The following TFG variants were observed in gnomAD, a reference collection of about 807,000 sequenced individuals.
TFG encodes the protein trafficking from ER to golgi regulator, also known as protein TFG.
Under a neutral mutation model 51.4 loss-of-function variants are expected in TFG, and 22 were observed. The observed-to-expected ratio is 0.43, with a 90% CI of 0.31 to 0.61. The LOEUF is 0.61. TFG is among the 20% of genes least tolerant of loss of function. TFG has a pLI of 0.12. For missense variants in TFG, 419 were observed against 487.7 expected (o/e 0.86, Z 1.33); for synonymous variants, 187 against 165.6 (o/e 1.13, Z -0.99).
intron 5 of TFG, 109 bp from the exon 6 acceptor site, chr3:100,736,467 A>G: frequency 8.2e-7 from 1 of 1,219,556 alleles, no homozygotes; most frequent in South Asian, 1.5e-5. Flanking sequence ...TTGTGGTTAT[A>G]TACTTATTCT....
intron 3 of TFG, among the ~76,000 whole-genome samples, chr3:100,728,281 T>C (rs2095081381): frequency 1.3e-5 from 2 of 152,012 alleles, no homozygotes. Flanking sequence ...TTTTGTATTA[T>C]TTTAAGAATA....
chr3:100,732,705 G>T (rs372931217), intron 5 of TFG, 33 bp downstream of exon 5: 2 of 1,531,792 alleles, frequency 1.3e-6, no homozygotes, highest in East Asian at 2.3e-5. Context: ...TACACCCTTC[G>T]TTTCCTTCAT....
intron 6 of TFG, among the ~76,000 whole-genome samples, chr3:100,739,171 G>A (rs1336435714): frequency 6.6e-6 from 1 of 151,990 alleles, no homozygotes; most frequent in Non-Finnish European, 1.5e-5. Flanking sequence ...ATCAACTACT[G>A]GTTATAATTT....
intron 6 of TFG, among the ~76,000 whole-genome samples, chr3:100,737,923 A>G (rs2095111022): frequency 6.6e-6 from 1 of 152,110 alleles, no homozygotes; most frequent in Non-Finnish European, 1.5e-5. Flanking sequence ...GCCAGGTGCT[A>G]TGGCATGTGC....
At chr3:100,739,974 A>C (rs2095116858) in intron 6 of TFG, among the ~76,000 whole-genome samples, 1 of 152,078 alleles carries the variant, frequency 6.6e-6, no homozygotes, top group African/African-American at 2.4e-5. Flanking sequence ...AACGTGTGCT[A>C]GTCTGTGTTT....
chr3:100,710,622 G>T (rs1214069499), intron 1 of TFG, among the ~76,000 whole-genome samples: 1 of 152,220 alleles, frequency 6.6e-6, no homozygotes, highest in Non-Finnish European at 1.5e-5. Flanking sequence ...TTTGTCCGCC[G>T]AACCTAGAAC....
intron 3 of TFG, among the ~76,000 whole-genome samples, chr3:100,720,885 T>G (rs553498792): frequency 2.0e-5 from 3 of 152,286 alleles, no homozygotes; most frequent in African/African-American, 7.2e-5. Context: ...ATGTGAAAAA[T>G]AAAATGTGTA....
In TFG at chr3:100,728,602, T is replaced by C. The variant is rs184425200; in HGVS notation, c.269-110T>C. The stretch of plus-strand genomic sequence containing the variant: ...AAAAAGTTACTCCATTACATTGATA[T>C]CTTGTTTTTGTTTTTTTAAAGGAAT... On this transcript the variant is annotated intron_variant, in intron 3 of 7. Coordinates refer to ENST00000240851, the MANE Select transcript of TFG (RefSeq NM_006070.6). 15,465 of 891,298 alleles carry C rather than the reference T, an allele frequency of 0.017. 196 individuals carry two copies. The highest frequency in any genetic ancestry group is 0.022 in the Non-Finnish European group (13,345 of 610,446). The allele number at this position is 891,298 out of a possible 1,614,324, so 55.2% of individuals were successfully genotyped here. A position where few individuals can be genotyped will look rare whatever the true frequency, so the allele number is the denominator to read the frequency against.
At chr3:100,721,756 T>C (rs996397029) in intron 3 of TFG, among the ~76,000 whole-genome samples, 2 of 152,202 alleles carry the variant, frequency 1.3e-5, no homozygotes, top group African/African-American at 4.8e-5. Context: ...CAAGAACCAC[T>C]GGACACAACT....
chr3:100,748,504 T>C lies in TFG; in HGVS notation c.1176T>C (p.Tyr392=), dbSNP rs1197524442. Residue 392 remains tyrosine, a synonymous_variant, in exon 8 of 8, where the codon TAT becomes TAC. Transcript: ENST00000240851. ...ARNRPPFGQG[Y]TQPGPGYR is the part of the protein sequence containing the mutation. The stretch of plus-strand genomic sequence containing the variant: ...ACCGTCCTCCCTTTGGTCAGGGCTA[T>C]ACCCAACCTGGACCTGGTTATCGAT... 2 of 1,613,330 alleles carry C rather than the reference T, an allele frequency of 1.2e-6. No individual in the cohort carries two copies. Among genetic ancestry groups the C allele is most frequent in the Non-Finnish European group, 1.7e-6 (2 of 1,179,394 alleles).
At chr3:100,730,361 G>T (rs2095088161) in intron 4 of TFG, among the ~76,000 whole-genome samples, 1 of 151,990 alleles carries the variant, frequency 6.6e-6, no homozygotes, top group Admixed American at 6.6e-5. Context: ...CATACTGTTA[G>T]CTTTTTACCT....
rs75195575 is a variant in TFG at position 100,746,917 on chromosome 3, G to A, written c.821-1232G>A. 6.0e-3 allele frequency among the ~76,000 whole-genome samples: 916 copies of A among 152,294 alleles called. 14 individuals are homozygous for A. Among genetic ancestry groups the A allele is most frequent in the African/African-American group, 0.021 (872 of 41,548 alleles). ...TTTTATGTAGAGGATAGGAGAACTT[G>A]TATGACATTCAGAATTTTTTATGAG... On this transcript the variant is annotated intron_variant, in intron 7 of 7. Transcript: ENST00000240851.
intron 2 of TFG, among the ~76,000 whole-genome samples, chr3:100,718,421 C>G (rs781469450): frequency 6.6e-6 from 1 of 152,024 alleles, no homozygotes; most frequent in Non-Finnish European, 1.5e-5. Flanking sequence ...ATGTAAAAAC[C>G]ATTTTTCATT....
At chr3:100,731,097 G>A (rs947075933) in intron 4 of TFG, among the ~76,000 whole-genome samples, 1 of 152,082 alleles carries the variant, frequency 6.6e-6, no homozygotes, top group African/African-American at 2.4e-5. Context: ...ACTTATATTC[G>A]GTTTAGCACT....
intron 2 of TFG, among the ~76,000 whole-genome samples, chr3:100,714,998 A>T (rs933827087): frequency 6.6e-6 from 1 of 152,052 alleles, no homozygotes; most frequent in Non-Finnish European, 1.5e-5. Flanking sequence ...AGTGTTTTTT[A>T]CTGTGGAACT....
At chr3:100,709,467 A>T (rs937303820), upstream of TFG, 6 of 148,080 alleles carry the variant, frequency 4.1e-5, no homozygotes, top group East Asian at 2.0e-4. Context: ...GCGAAAGGAC[A>T]TTTTTTTTTT....
intron 4 of TFG, among the ~76,000 whole-genome samples, chr3:100,730,093 A>G (rs1187750789): frequency 2.6e-5 from 4 of 152,200 alleles, no homozygotes; most frequent in Admixed American, 2.0e-4. Flanking sequence ...AAAAAGTTAG[A>G]CAATTTTTCC....
chr3:100,741,748 AT>A (rs1490910209), intron 6 of TFG, among the ~76,000 whole-genome samples: 1 of 152,052 alleles, frequency 6.6e-6, no homozygotes, highest in Non-Finnish European at 1.5e-5. Context: ...CAGGCATACC[AT>A]TTTTTATCTT....
intron 4 of TFG, among the ~76,000 whole-genome samples, chr3:100,731,188 CAA>C (rs1463945262): frequency 6.6e-6 from 1 of 152,144 alleles, no homozygotes; most frequent in Non-Finnish European, 1.5e-5. Context: ...TGCTTGGTAA[CAA>C]AAGTGATAAT....
Sources: allele counts gnomAD v4.1 joint callset (sites outside exome capture counted in the v4.1 genomes callset), GRCh38; gene constraint gnomAD v4.1.1; transcripts MANE v1.5; gene names NCBI Gene and HGNC (gene_info 2026-07-23, HGNC 2026-07-21).